RORA: variants seen among roughly 807,000 people sequenced by gnomAD.
RORA encodes nuclear receptor ROR-alpha.
Under a neutral mutation model 69.5 loss-of-function variants are expected in RORA, and 7 were observed. That is an observed-to-expected ratio of 0.10 (90% CI 0.06 to 0.19). RORA has a LOEUF of 0.19. RORA is among the 10% of genes least tolerant of loss of function. The pLI, the probability that RORA is intolerant of heterozygous loss-of-function variation, is 1.00. For synonymous variants in RORA, 261 were observed against 240.8 expected, an observed-to-expected ratio of 1.08 and a Z score of -0.78; for missense variants, 457 against 663.0, an observed-to-expected ratio of 0.69 and a Z score of 3.41.
chr15:60,969,943 T>C (rs947833313), intron 1 of RORA, among the ~76,000 whole-genome samples: 5 of 152,186 alleles, frequency 3.3e-5, no homozygotes, highest in Non-Finnish European at 5.9e-5. Flanking sequence ...CTGAATCTGA[T>C]AGGATTAGTG....
chr15:61,031,052 A>T (rs1896144071), intron 1 of RORA, among the ~76,000 whole-genome samples: 2 of 152,216 alleles, frequency 1.3e-5, no homozygotes, highest in Admixed American at 1.3e-4. Context: ...TGACATCAGT[A>T]ACTGTTTAAC....
Position 60,497,629 on chromosome 15 carries a change from A to G in RORA, c.1408-10T>C. ...ACACCTTGCATATTAACTGTAAGTGAAAGAAAGGACACACCGTCAGGCAAG... is the reference window on the plus strand; with the variant it reads ...ACACCTTGCATATTAACTGTAAGTGGAAGAAAGGACACACCGTCAGGCAAG... On this transcript the variant is annotated splice_polypyrimidine_tract_variant and intron_variant, in intron 10 of 10. Coordinates refer to ENST00000335670, the MANE Select transcript of RORA (RefSeq NM_134261.3). 1 of 1,607,138 alleles carries G rather than the reference A, an allele frequency of 6.2e-7. No individual in the cohort carries two copies. Among genetic ancestry groups the G allele is most frequent in the Non-Finnish European group, 8.5e-7 (1 of 1,173,674 alleles).
chr15:60,637,311 CATTATAT>C (rs1845455743), intron 2 of RORA, among the ~76,000 whole-genome samples: 1 of 152,048 alleles, frequency 6.6e-6, no homozygotes, highest in South Asian at 2.1e-4. Context: ...TAATGAAACA[CATTATAT>C]ATTAAGGTTA....
chr15:60,723,074 C>A (rs2071313317), intron 1 of RORA, among the ~76,000 whole-genome samples: 1 of 152,092 alleles, frequency 6.6e-6, no homozygotes, highest in Non-Finnish European at 1.5e-5. Flanking sequence ...CAAGGGTGTG[C>A]AGACAGTTGA....
At chr15:61,205,296 G>A (rs867810020) in intron 1 of RORA, among the ~76,000 whole-genome samples, 4 of 152,208 alleles carry the variant, frequency 2.6e-5, no homozygotes, top group Admixed American at 6.5e-5. Context: ...AGCACCGGTA[G>A]AGCTGGCGAG....
rs563438571 is a variant in RORA, at chr15:60,777,816, G to A, written c.167-99130C>T. ...GGGAATGAGTAAAATACCCATAGTC[G>A]AGGAGCGTATTGAACTGCTGAGCAA... On this transcript the variant is annotated intron_variant, in intron 1 of 10. Transcript: ENST00000335670. Among the ~76,000 whole-genome samples, 6 of 152,250 alleles carry A rather than the reference G, an allele frequency of 3.9e-5. No homozygotes were observed. In the East Asian group the frequency reaches 5.8e-4, roughly 15 times the overall value.
intron 2 of RORA, among the ~76,000 whole-genome samples, chr15:60,643,096 G>T (rs541738104): frequency 1.3e-5 from 2 of 152,162 alleles, no homozygotes; most frequent in Non-Finnish European, 2.9e-5. Context: ...GGCGAAGGTT[G>T]CAGTGAGCCA....
rs1291703384 is a variant in RORA, at chr15:61,061,998, G to A, written c.166+167055C>T. On this transcript the variant is annotated intron_variant, in intron 1 of 10. Coordinates refer to ENST00000335670, the MANE Select transcript of RORA (RefSeq NM_134261.3). This position sits in a 1 kb window ranked among gnomAD's most constrained non-coding sequence, Gnocchi z 4.4. Reference sequence around the variant, plus strand: ...GAATCCCTTGAACCTAGGAGACGGAGGTTGCAGTGAGCTGGGATTGTGCCA... The same window carrying A: ...GAATCCCTTGAACCTAGGAGACGGAAGTTGCAGTGAGCTGGGATTGTGCCA... Among the ~76,000 whole-genome samples, 2 of 152,192 alleles carry A rather than the reference G, an allele frequency of 1.3e-5. No individual in the cohort carries two copies. Among genetic ancestry groups the A allele is most frequent in the African/African-American group, 4.8e-5 (2 of 41,452 alleles).
At chr15:61,023,171 G>C (rs1247266312) in intron 1 of RORA, among the ~76,000 whole-genome samples, 6 of 118,578 alleles carry the variant, frequency 5.1e-5, no homozygotes, top group East Asian at 2.5e-4. Flanking sequence ...CTGGGCAACA[G>C]AGTGAGACTC....
intron 1 of RORA, among the ~76,000 whole-genome samples, chr15:60,889,591 C>T (rs1402051294): frequency 2.0e-5 from 3 of 152,330 alleles, no homozygotes; most frequent in Non-Finnish European, 1.5e-5. Context: ...TCAGAGGCCT[C>T]GTGGTAAACC....
Position 61,147,764 on chromosome 15 carries a change from C to CGT in RORA, c.166+81288_166+81289insAC, listed in dbSNP as rs1435246094. The stretch of plus-strand genomic sequence containing the variant: ...GATGGTCAGTAGGCACGTGCGCACA[C>CGT]GCGTGTGTGTGTGTGTGTGTGTGTG... On this transcript the variant is annotated intron_variant, in intron 1 of 10. Transcript: ENST00000335670. The surrounding 1 kb of genome is among the most constrained non-coding windows in gnomAD (Gnocchi z 4.1). Among the ~76,000 whole-genome samples the CGT allele has an allele frequency of 2.7e-4, 9 of 33,584 alleles. No homozygotes were observed. The highest frequency in any genetic ancestry group is 6.4e-4 in the South Asian group (1 of 1,564). The allele number at this position is 33,584 out of a possible 152,430, so 22.0% of individuals were successfully genotyped here.
intron 1 of RORA, among the ~76,000 whole-genome samples, chr15:61,166,240 A>G (rs554643836): frequency 2.0e-5 from 3 of 152,320 alleles, no homozygotes; most frequent in Non-Finnish European, 4.4e-5. Context: ...CAAGAAAGAC[A>G]CTGACAGTAT....
At chr15:60,516,057 T>TTATATATATATATATTTA (rs373418788) in intron 3 of RORA, among the ~76,000 whole-genome samples, 2 of 6,094 alleles carry the variant, frequency 3.3e-4, no homozygotes, top group Non-Finnish European at 6.3e-4. Context: ...TTATATATAT[T>TTATATATATATATATTTA]TATATATATT....
chr15:60,865,896 G>T (rs1199202660), intron 1 of RORA, among the ~76,000 whole-genome samples: 1 of 152,130 alleles, frequency 6.6e-6, no homozygotes, highest in Non-Finnish European at 1.5e-5. Context: ...TTACGCCTTT[G>T]TTCAGGGGAG....
intron 1 of RORA, among the ~76,000 whole-genome samples, chr15:60,904,635 C>T (rs907169747): frequency 1.3e-5 from 2 of 152,316 alleles, no homozygotes; most frequent in African/African-American, 2.4e-5. Context: ...AAGAGCTATA[C>T]ATGTGAACTG....
intron 2 of RORA, among the ~76,000 whole-genome samples, chr15:60,577,691 T>C (rs1307095531): frequency 6.6e-6 from 1 of 151,496 alleles, no homozygotes; most frequent in African/African-American, 2.4e-5. Context: ...TTTTGTAGGT[T>C]ATACATCAGT....
intron 2 of RORA, among the ~76,000 whole-genome samples, chr15:60,623,229 A>G (rs2069467701): frequency 6.6e-6 from 1 of 152,170 alleles, no homozygotes; most frequent in South Asian, 2.1e-4. Flanking sequence ...GGCCCAAAAG[A>G]TGTTGCTTGC....
intron 1 of RORA, among the ~76,000 whole-genome samples, chr15:61,049,354 G>A (rs562553695): frequency 3.3e-5 from 5 of 152,222 alleles, no homozygotes; most frequent in South Asian, 2.1e-4. Flanking sequence ...CATGAGGCTC[G>A]TTTCTGATGA....
chr15:60,538,496 T>C (rs752995000), intron 2 of RORA, among the ~76,000 whole-genome samples: 9 of 152,104 alleles, frequency 5.9e-5, no homozygotes, highest in Non-Finnish European at 1.2e-4. Context: ...ATTACCCATA[T>C]CCAGCTATGC....
Sources: gnomAD v4.1 joint callset for allele counts (sites outside exome capture counted in the v4.1 genomes callset) on GRCh38, gnomAD v4.1.1 for gene constraint, Gnocchi (gnomAD v3.1) non-coding constraint, MANE v1.5 for transcripts, NCBI Gene and HGNC (gene_info 2026-07-23, HGNC 2026-07-21) for gene names.